RPA1: variants seen among roughly 807,000 people sequenced by gnomAD.
The protein encoded by RPA1 is replication protein A1, also known as replication protein A 70 kDa DNA-binding subunit.
RPA1 carries 49 observed loss-of-function variants against 83.0 expected under a neutral mutation model. The observed-to-expected ratio is 0.59, with a 90% confidence interval of 0.47 to 0.75. The LOEUF (loss-of-function observed/expected upper bound fraction) is 0.75, where lower values mean the gene tolerates loss of function less well. Among genes scored for constraint, RPA1 ranks in the 30% least tolerant of loss-of-function variants. RPA1 has a pLI of 0.00. For missense variants in RPA1, 693 were observed against 776.1 expected (o/e 0.89, Z 1.27); for synonymous variants, 279 against 281.8 (o/e 0.99, Z 0.10).
In RPA1 at chr17:1,884,427, C is replaced by G. The variant is rs995599200; in HGVS notation, c.1374+483C>G. Reference sequence around the variant, plus strand: ...ATAGGCTGAGAGCTGCCGGCATTCCCGGACAAGGATTGGCCCTGACATTTG... The same window carrying G: ...ATAGGCTGAGAGCTGCCGGCATTCCGGGACAAGGATTGGCCCTGACATTTG... On this transcript the variant is annotated intron_variant, in intron 13 of 16. Transcript: ENST00000254719. The surrounding 1 kb of genome is among the most constrained non-coding windows in gnomAD (Gnocchi z 4.1). Among the ~76,000 whole-genome samples, 1 of 152,174 alleles carries G rather than the reference C, an allele frequency of 6.6e-6. No individual in the cohort carries two copies. The highest frequency in any genetic ancestry group is 1.5e-5 in the Non-Finnish European group (1 of 68,032).
At chr17:1,880,982 G>A (rs969134500) in intron 12 of RPA1, among the ~76,000 whole-genome samples, 2 of 152,218 alleles carry the variant, frequency 1.3e-5, no homozygotes, top group South Asian at 2.1e-4. Context: ...CTTCAGCAGC[G>A]GTGTGCTGAA....
chr17:1,897,045 C>A, intron 16 of RPA1, 26 bp from the exon 17 acceptor site: 1 of 1,547,296 alleles, frequency 6.5e-7, no homozygotes, highest in South Asian at 1.2e-5. Flanking sequence ...TTTCACTGCT[C>A]ACAAACTACT....
rs1043884344 is a variant in RPA1 at position 1,877,204 on chromosome 17, G to T, written c.588-8G>T. On this transcript the variant is annotated splice_polypyrimidine_tract_variant and splice_region_variant and intron_variant, in intron 7 of 16. Coordinates refer to ENST00000254719, the MANE Select transcript of RPA1 (RefSeq NM_002945.5). Reference sequence around the variant, plus strand: ...CCCATACACTAATATGATCGATTTGGTTTGTAGGTGGACCATTTGTGCTCG... The same window carrying T: ...CCCATACACTAATATGATCGATTTGTTTTGTAGGTGGACCATTTGTGCTCG... The T allele has an allele frequency of 1.2e-6, 2 of 1,613,620 alleles. No homozygotes were observed. The highest frequency in any genetic ancestry group is 1.7e-5 in the Admixed American group (1 of 60,018).
At chr17:1,872,586 G>T (rs949508751) in intron 6 of RPA1, 60 bp downstream of exon 6, 2 of 1,586,158 alleles carry the variant, frequency 1.3e-6, no homozygotes, top group South Asian at 1.1e-5. Context: ...ATCATGTTTT[G>T]AAGTTGAATC....
At chr17:1,885,266 A>C (rs1304205654) in intron 13 of RPA1, among the ~76,000 whole-genome samples, 2 of 152,096 alleles carry the variant, frequency 1.3e-5, no homozygotes, top group Non-Finnish European at 2.9e-5. Context: ...TTATCCGTTC[A>C]AGTTTGATCG....
Position 1,897,282 on chromosome 17 carries a change from T to G in RPA1, c.*107T>G. 1.2e-6 allele frequency: 1 copy of G among 842,834 alleles called. No individual in the cohort carries two copies. Among genetic ancestry groups the G allele is most frequent in the East Asian group, 2.7e-5 (1 of 37,270 alleles). 52.2% of individuals were successfully genotyped at this position (842,834 alleles called of 1,614,324 possible). On this transcript the variant is annotated 3_prime_UTR_variant, in exon 17 of 17. Coordinates refer to ENST00000254719, the MANE Select transcript of RPA1 (RefSeq NM_002945.5). ...TGTTAGCTACACAGTGCAGAGGCTC[T>G]TGATGGTGGACTAAGCAATTTCCCC...
rs1361183508 is a variant in RPA1 at position 1,897,307 on chromosome 17, C to T, written c.*132C>T. The T allele has an allele frequency of 6.0e-6, 4 of 663,366 alleles. No individual in the cohort carries two copies. The East Asian group carries it at 8.3e-5, about 14-fold the overall frequency. 41.1% of individuals were successfully genotyped at this position (663,366 alleles called of 1,614,324 possible). Reference sequence around the variant, plus strand: ...TTGATGGTGGACTAAGCAATTTCCCCCCTCGTGCGCATCTCAGAACCCATC... The same window carrying T: ...TTGATGGTGGACTAAGCAATTTCCCTCCTCGTGCGCATCTCAGAACCCATC... On this transcript the variant is annotated 3_prime_UTR_variant, in exon 17 of 17. Transcript: ENST00000254719.
chr17:1,852,144 A>G (rs1163795277), intron 4 of RPA1, among the ~76,000 whole-genome samples: 1 of 152,206 alleles, frequency 6.6e-6, no homozygotes, highest in African/African-American at 2.4e-5. Flanking sequence ...ACATTGTGAT[A>G]TGCTCATCAA....
chr17:1,850,551 A>G (rs1912455973), intron 4 of RPA1, among the ~76,000 whole-genome samples: 1 of 142,470 alleles, frequency 7.0e-6, no homozygotes, highest in East Asian at 2.1e-4. Flanking sequence ...AAAAAAAAGG[A>G]TTGCCTAATA....
intron 6 of RPA1, among the ~76,000 whole-genome samples, chr17:1,873,577 C>G (rs183869779): frequency 4.2e-4 from 64 of 152,214 alleles, no homozygotes; most frequent in Non-Finnish European, 1.2e-4. Flanking sequence ...TTCCCCCTTG[C>G]CCTTTGTTGT....
At chr17:1,888,365 C>G (rs1387249150) in intron 13 of RPA1, among the ~76,000 whole-genome samples, 4 of 152,140 alleles carry the variant, frequency 2.6e-5, no homozygotes, top group African/African-American at 9.7e-5. Context: ...ATACAGTGTT[C>G]AAGCAAACAG....
At chr17:1,864,142 G>C (rs1226898889) in intron 5 of RPA1, among the ~76,000 whole-genome samples, 1 of 152,196 alleles carries the variant, frequency 6.6e-6, no homozygotes, top group Non-Finnish European at 1.5e-5. Context: ...CTCAGAGAAG[G>C]AGCTGTTTCT....
chr17:1,841,935 GCCTT>G (rs1912061761), intron 1 of RPA1, among the ~76,000 whole-genome samples: 2 of 152,080 alleles, frequency 1.3e-5, no homozygotes, highest in African/African-American at 4.8e-5. Context: ...AGTAAACCTT[GCCTT>G]CCTTGGATAA....
At chr17:1,839,699 T>C (rs1386490514) in intron 1 of RPA1, among the ~76,000 whole-genome samples, 1 of 150,528 alleles carries the variant, frequency 6.6e-6, no homozygotes, top group Non-Finnish European at 1.5e-5. Flanking sequence ...GTGACATACA[T>C]GATCATAGTT....
At chr17:1,886,556 T>C (rs962199236) in intron 13 of RPA1, among the ~76,000 whole-genome samples, 2 of 152,244 alleles carry the variant, frequency 1.3e-5, no homozygotes, top group Non-Finnish European at 2.9e-5. Flanking sequence ...GCCACCTTCA[T>C]TGGTGGTCCT....
intron 6 of RPA1, among the ~76,000 whole-genome samples, chr17:1,873,137 A>C (rs1204937602): frequency 6.6e-6 from 1 of 152,162 alleles, no homozygotes; most frequent in South Asian, 2.1e-4. Context: ...CCTTTTAACT[A>C]TCCAGGACCC....
chr17:1,843,806 G>T, intron 2 of RPA1, 114 bp from the exon 3 acceptor site: 1 of 724,622 alleles, frequency 1.4e-6, no homozygotes, highest in South Asian at 1.8e-5. Flanking sequence ...TCAAGAGAAT[G>T]GGCAAACAGT....
intron 5 of RPA1, among the ~76,000 whole-genome samples, chr17:1,861,506 A>G (rs1025408792): frequency 1.3e-5 from 2 of 152,082 alleles, no homozygotes; most frequent in African/African-American, 4.8e-5. Context: ...TATTTTTGCG[A>G]GGTGTGTCCT....
chr17:1,870,733 C>G (rs542899113), intron 5 of RPA1, among the ~76,000 whole-genome samples: 1 of 152,284 alleles, frequency 6.6e-6, no homozygotes, highest in Non-Finnish European at 1.5e-5. Flanking sequence ...GAAATTGAAT[C>G]TATGTGATCA....
Sources: allele counts gnomAD v4.1 joint callset (sites outside exome capture counted in the v4.1 genomes callset), GRCh38; gene constraint gnomAD v4.1.1; non-coding constraint Gnocchi (gnomAD v3.1); transcripts MANE v1.5; gene names NCBI Gene and HGNC (gene_info 2026-07-23, HGNC 2026-07-21).